The following SNRNP40 variants were observed in gnomAD, a reference collection of about 807,000 sequenced individuals.
SNRNP40 encodes U5 small nuclear ribonucleoprotein 40 kDa protein.
SNRNP40 carries 21 observed loss-of-function variants against 45.8 expected under a neutral mutation model. The observed-to-expected ratio is 0.46, with a 90% CI of 0.32 to 0.66. SNRNP40 has a LOEUF of 0.66. Ranked by LOEUF, SNRNP40 falls within the 30% of genes least tolerant of loss-of-function variation. The probability of loss-of-function intolerance (pLI) is 0.03; values close to 1 mark genes in which losing one functional copy is unlikely to be tolerated. For synonymous variants in SNRNP40, 142 were observed against 163.8 expected (o/e 0.87, Z 1.01); for missense variants, 344 against 439.1 (o/e 0.78, Z 1.94).
chr1:31,273,370 G>T (rs1025172787), intron 5 of SNRNP40, among the ~76,000 whole-genome samples: 1 of 152,012 alleles, frequency 6.6e-6, no homozygotes, highest in African/African-American at 2.4e-5. Context: ...CTACAGCAGG[G>T]GTGGCTCACT....
At chr1:31,265,707 GCGGGCAC>G (rs1297914775) in intron 8 of SNRNP40, among the ~76,000 whole-genome samples, 1 of 152,102 alleles carries the variant, frequency 6.6e-6, no homozygotes, top group African/African-American at 2.4e-5. Flanking sequence ...AGGCGTGGTA[GCGGGCAC>G]CTGTAGTCCC....
intron 1 of SNRNP40, among the ~76,000 whole-genome samples, chr1:31,294,363 A>T (rs1441482329): frequency 6.6e-6 from 1 of 152,188 alleles, no homozygotes; most frequent in Non-Finnish European, 1.5e-5. Flanking sequence ...ATTCATCTAA[A>T]CATGGGCTGA....
At chr1:31,275,591 C>T (rs919573485) in intron 5 of SNRNP40, among the ~76,000 whole-genome samples, 1 of 152,032 alleles carries the variant, frequency 6.6e-6, no homozygotes. Context: ...GGTTTTGCCA[C>T]GTTGGCCAGG....
At chr1:31,284,634 C>T (rs534988536) in intron 4 of SNRNP40, among the ~76,000 whole-genome samples, 2 of 152,228 alleles carry the variant, frequency 1.3e-5, no homozygotes, top group South Asian at 4.1e-4. Flanking sequence ...ATGACTGTTC[C>T]AAGTTTTAAA....
intron 6 of SNRNP40, among the ~76,000 whole-genome samples, chr1:31,270,638 G>A (rs1395657177): frequency 6.6e-6 from 1 of 151,974 alleles, no homozygotes; most frequent in Admixed American, 6.6e-5. Flanking sequence ...GTTTGCCATT[G>A]AGAATATAGT....
At chr1:31,269,043 GT>G in intron 7 of SNRNP40, 114 bp downstream of exon 7, 1 of 920,484 alleles carries the variant, frequency 1.1e-6, no homozygotes, top group East Asian at 2.8e-5. Flanking sequence ...TAAGAGCAGT[GT>G]TATTGGAATG....
At chr1:31,268,356 C>A (rs1434429153) in intron 7 of SNRNP40, among the ~76,000 whole-genome samples, 1 of 150,718 alleles carries the variant, frequency 6.6e-6, no homozygotes, top group African/African-American at 2.4e-5. Context: ...AATCATAGCT[C>A]ACTGTAGTTT....
intron 3 of SNRNP40, 78 bp from the exon 4 acceptor site, chr1:31,289,497 G>T (rs1189454683): frequency 2.9e-6 from 4 of 1,392,810 alleles, no homozygotes; most frequent in Non-Finnish European, 3.0e-6. Context: ...CTTGACAAAA[G>T]GTGCCAAATT....
At chr1:31,260,927 A>G in intron 9 of SNRNP40, 1 of 951,954 alleles carries the variant, frequency 1.1e-6, no homozygotes, top group Non-Finnish European at 1.3e-6. Flanking sequence ...ACTTGATGGA[A>G]GTAAATTTAA....
At position 31,279,829 on chromosome 1, in the gene SNRNP40, C is replaced by A. The variant is rs866059127; in HGVS notation, c.654+1545G>T. Among the ~76,000 whole-genome samples, 17 of 151,698 alleles carry A rather than the reference C, an allele frequency of 1.1e-4. 1 individual carries two copies. Among genetic ancestry groups the A allele is most frequent in the African/African-American group, 3.6e-4 (15 of 41,310 alleles). ...TCACATTTAAAGGACTACCTTTAGG[C>A]CGGGCACGGTGGCTCACACCCGTAA... On this transcript the variant is annotated intron_variant, in intron 5 of 9. Transcript: ENST00000263694.
intron 8 of SNRNP40, among the ~76,000 whole-genome samples, chr1:31,263,913 T>TAAAAAAAAAAAAA (rs11419603): frequency 9.3e-6 from 1 of 107,008 alleles, no homozygotes; most frequent in African/African-American, 3.6e-5. Flanking sequence ...ATGTACTGGC[T>TAAAAAAAAAAAAA]AAAAAAAAAA....
At chr1:31,261,254 G>A (rs905764847) in intron 9 of SNRNP40, 11 of 419,876 alleles carry the variant, frequency 2.6e-5, no homozygotes, top group Admixed American at 3.9e-5. Context: ...GGGAGGCTGA[G>A]GCAGGAGAAC....
chr1:31,267,576 G>C (rs564083680), intron 8 of SNRNP40, among the ~76,000 whole-genome samples: 1 of 151,886 alleles, frequency 6.6e-6, no homozygotes, highest in Admixed American at 6.6e-5. Flanking sequence ...CTTGCTGCCC[G>C]GGCTGGAGCA....
intron 7 of SNRNP40, among the ~76,000 whole-genome samples, chr1:31,268,349 C>G (rs1645914215): frequency 6.7e-6 from 1 of 149,256 alleles, no homozygotes. Flanking sequence ...GTGGCACAAT[C>G]ATAGCTCACT....
In SNRNP40 at chr1:31,267,946, G is replaced by T; in HGVS notation, c.859-14C>A. On this transcript the variant is annotated splice_polypyrimidine_tract_variant and intron_variant, in intron 7 of 9. Coordinates refer to ENST00000263694, the MANE Select transcript of SNRNP40 (RefSeq NM_004814.3). ...TCTCAGAAGGTTCTATGATAAACAA[G>T]AATCCACTGAATAGTAATATACCAA... 6.3e-7 allele frequency: 1 copy of T among 1,591,520 alleles called. No individual in the cohort carries two copies. The highest frequency in any genetic ancestry group is 8.6e-7 in the Non-Finnish European group (1 of 1,159,816).
intron 4 of SNRNP40, among the ~76,000 whole-genome samples, chr1:31,288,671 T>C (rs75621545): frequency 1.2e-4 from 2 of 16,680 alleles, no homozygotes; most frequent in African/African-American, 1.5e-4. Flanking sequence ...AACAGCCTTT[T>C]TTTTTTTTTT....
At chr1:31,289,089 T>A (rs7521463) in intron 4 of SNRNP40, among the ~76,000 whole-genome samples, 165 bp downstream of exon 4, 84,198 of 152,144 alleles carry the variant, frequency 0.55, 24,019 homozygotes, top group Non-Finnish European at 0.63. Context: ...TAATTAAAAC[T>A]TGTATTAAAT....
chr1:31,289,906 T>C (rs6669832), intron 3 of SNRNP40, among the ~76,000 whole-genome samples: 3,070 of 152,192 alleles, frequency 0.02, 104 homozygotes, highest in African/African-American at 0.07. Flanking sequence ...GAGATCTTGC[T>C]CTGTCACCCG....
At chr1:31,283,431 T>A (rs1320275730) in intron 4 of SNRNP40, among the ~76,000 whole-genome samples, 1 of 152,022 alleles carries the variant, frequency 6.6e-6, no homozygotes, top group Non-Finnish European at 1.5e-5. Flanking sequence ...GGTAAAACCT[T>A]GTTTCTACTA....
Sources: allele counts gnomAD v4.1 joint callset (sites outside exome capture counted in the v4.1 genomes callset), GRCh38; gene constraint gnomAD v4.1.1; transcripts MANE v1.5; gene names NCBI Gene and HGNC (gene_info 2026-07-23, HGNC 2026-07-21).